FRMD4B: variants seen among roughly 807,000 people sequenced by gnomAD.
The protein encoded by FRMD4B is FERM domain containing 4B, also known as FERM domain-containing protein 4B.
Under a neutral mutation model 141.5 loss-of-function variants are expected in FRMD4B, and 74 were observed. The observed-to-expected ratio is 0.52, with a 90% confidence interval of 0.43 to 0.63. The LOEUF is 0.63. Among genes scored for constraint, FRMD4B ranks in the 30% least tolerant of loss-of-function variants. The pLI is 0.00. For synonymous variants in FRMD4B, 506 were observed against 467.9 expected (o/e 1.08, Z -1.05); for missense variants, 1,366 against 1,253.4 (o/e 1.09, Z -1.36).
intron 7 of FRMD4B, among the ~76,000 whole-genome samples, chr3:69,243,615 G>A (rs1380362851): frequency 6.6e-6 from 1 of 152,206 alleles, no homozygotes; most frequent in Non-Finnish European, 1.5e-5. Flanking sequence ...GTAGTGTGTG[G>A]TGGAATCAGA....
intron 1 of FRMD4B, among the ~76,000 whole-genome samples, chr3:69,489,943 C>T (rs1202390018): frequency 6.6e-6 from 1 of 152,124 alleles, no homozygotes; most frequent in Non-Finnish European, 1.5e-5. Flanking sequence ...AGGGTTGAAC[C>T]TCAAACACAT....
At position 69,207,362 on chromosome 3, in the gene FRMD4B, T is replaced by C. The variant is rs183100417; in HGVS notation, c.877-8588A>G. On this transcript the variant is annotated intron_variant, in intron 11 of 22. Coordinates refer to ENST00000398540, the MANE Select transcript of FRMD4B (RefSeq NM_015123.3). ...AAAATAAATCTTTACTGTTTATGCCTCTTCATAGAACTATTTTTTACAGTG... is the reference window on the plus strand; with the variant it reads ...AAAATAAATCTTTACTGTTTATGCCCCTTCATAGAACTATTTTTTACAGTG... 5.3e-3 allele frequency among the ~76,000 whole-genome samples: 805 copies of C among 151,754 alleles called. 1 individual carries two copies. The highest frequency in any genetic ancestry group is 9.9e-3 in the Admixed American group (150 of 15,200).
chr3:69,309,607 ATT>A (rs34067186), intron 3 of FRMD4B, among the ~76,000 whole-genome samples: 1,186 of 109,052 alleles, frequency 0.011, 10 homozygotes, highest in African/African-American at 0.03. Context: ...TACCTGGCTG[ATT>A]TTTTTTTTTT....
chr3:69,428,830 A>C (rs1325359152), intron 2 of FRMD4B, among the ~76,000 whole-genome samples: 1 of 152,144 alleles, frequency 6.6e-6, no homozygotes, highest in Non-Finnish European at 1.5e-5. Flanking sequence ...CTCTGTGCCC[A>C]CTAAAATGTA....
intron 1 of FRMD4B, among the ~76,000 whole-genome samples, chr3:69,337,049 C>T (rs1277667677): frequency 6.6e-6 from 1 of 152,178 alleles, no homozygotes. Context: ...TACCTGACTT[C>T]AAACTATACT....
At chr3:69,251,564 G>A (rs555718584) in intron 5 of FRMD4B, among the ~76,000 whole-genome samples, 26 of 152,318 alleles carry the variant, frequency 1.7e-4, no homozygotes, top group African/African-American at 6.0e-4. Context: ...TATATTACAA[G>A]ATGAAAACAA....
intron 1 of FRMD4B, among the ~76,000 whole-genome samples, chr3:69,453,854 T>G (rs963716266): frequency 6.6e-6 from 1 of 152,058 alleles, no homozygotes; most frequent in Non-Finnish European, 1.5e-5. Flanking sequence ...AGATGATGGA[T>G]AAAGGATGAG....
At chr3:69,440,372 T>C (rs73835845) in intron 1 of FRMD4B, among the ~76,000 whole-genome samples, 2,666 of 152,338 alleles carry the variant, frequency 0.018, 82 homozygotes, top group African/African-American at 0.06. Flanking sequence ...ATTTGTTTAG[T>C]TCATCATTGG....
chr3:69,391,558 C>T (rs912235175), intron 2 of FRMD4B, among the ~76,000 whole-genome samples: 3 of 152,060 alleles, frequency 2.0e-5, no homozygotes, highest in African/African-American at 7.2e-5. Context: ...AAATCAGAGG[C>T]TCCATAGTAC....
chr3:69,472,519 A>G (rs1705909163), intron 1 of FRMD4B: 1 of 291,890 alleles, frequency 3.4e-6, no homozygotes. Context: ...TTGACATTCA[A>G]AACTGATGCC....
In FRMD4B at chr3:69,490,089, T is replaced by C. The variant is rs530295799; in HGVS notation, c.-129+52117A>G. On this transcript the variant is annotated intron_variant, in intron 1 of 5. Transcript: ENST00000459638. ...GGTAGCTGGGAGGATGGGAAGTAAC[T>C]GCCAATGGGTATGGGGTTTCTTTTT... 2.0e-5 allele frequency among the ~76,000 whole-genome samples: 3 copies of C among 152,312 alleles called. No individual in the cohort carries two copies. The South Asian group carries it at 6.2e-4, about 32-fold the overall frequency.
chr3:69,218,282 C>T (rs765345630), intron 10 of FRMD4B, 40 bp downstream of exon 10: 13 of 1,008,282 alleles, frequency 1.3e-5, no homozygotes, highest in Non-Finnish European at 4.6e-6. Context: ...TGCAATAACT[C>T]TCAATCATCA....
intron 1 of FRMD4B, among the ~76,000 whole-genome samples, chr3:69,332,147 A>G (rs1702390365): frequency 6.6e-6 from 1 of 152,152 alleles, no homozygotes; most frequent in Non-Finnish European, 1.5e-5. Context: ...TCAGGATGAA[A>G]GCTCCCACAG....
At chr3:69,193,622 A>T in intron 17 of FRMD4B, 26 bp downstream of exon 17, 1 of 1,439,268 alleles carries the variant, frequency 6.9e-7, no homozygotes, top group Non-Finnish European at 9.6e-7. Flanking sequence ...GGGGACTCAA[A>T]AAAAAAAACC....
At chr3:69,542,252 T>G (rs1217074615) in exon 1 of FRMD4B, 1 of 152,118 alleles carries the variant, frequency 6.6e-6, no homozygotes, top group African/African-American at 2.4e-5. Flanking sequence ...TGTAGACGGC[T>G]ACTTTATTGT....
chr3:69,258,883 G>A (rs1163672726), intron 5 of FRMD4B, among the ~76,000 whole-genome samples: 1 of 152,094 alleles, frequency 6.6e-6, no homozygotes, highest in Non-Finnish European at 1.5e-5. Context: ...CAAAATAGAA[G>A]ATAATGTTAA....
At chr3:69,333,025 C>G (rs965987163) in intron 1 of FRMD4B, among the ~76,000 whole-genome samples, 21 of 152,204 alleles carry the variant, frequency 1.4e-4, no homozygotes, top group Middle Eastern at 3.4e-3. Context: ...CAGTGGGAAG[C>G]CTTTCCATCA....
intron 2 of FRMD4B, among the ~76,000 whole-genome samples, chr3:69,401,543 ATCTT>A (rs1704563055): frequency 6.6e-6 from 1 of 152,030 alleles, no homozygotes; most frequent in Admixed American, 6.5e-5. Flanking sequence ...AGAAGAGTGT[ATCTT>A]TCTTCCTCTC....
At chr3:69,374,844 A>T (rs1359599632) in intron 1 of FRMD4B, among the ~76,000 whole-genome samples, 1 of 152,104 alleles carries the variant, frequency 6.6e-6, no homozygotes, top group African/African-American at 2.4e-5. Flanking sequence ...ACAATTCTTC[A>T]TCTGGGTGGT....
Sources: gnomAD v4.1 joint callset for allele counts (sites outside exome capture counted in the v4.1 genomes callset) on GRCh38, gnomAD v4.1.1 for gene constraint, MANE v1.5 for transcripts, NCBI Gene and HGNC (gene_info 2026-07-23, HGNC 2026-07-21) for gene names.